The following STON1 variants were observed in gnomAD, a reference collection of about 807,000 sequenced individuals.
STON1 encodes the protein stonin 1.
In STON1, 79 loss-of-function variants were observed where a neutral mutation model predicts 60.9. The ratio of observed to expected loss-of-function variants is 1.30; its 90% confidence interval spans 1.08 to 1.56. STON1 has a LOEUF of 1.56. Ranked by LOEUF, STON1 falls within the 40% of genes most tolerant of loss-of-function variation. The pLI is 0.00. For missense variants in STON1, 1,166 were observed against 858.9 expected, an observed-to-expected ratio of 1.36 and a Z score of -4.47; for synonymous variants, 363 against 306.9, an observed-to-expected ratio of 1.18 and a Z score of -1.91.
intron 1 of STON1, among the ~76,000 whole-genome samples, chr2:48,576,181 CTTTCTTTTTTTTTTT>C (rs1379226428): frequency 6.3e-4 from 69 of 110,106 alleles, no homozygotes; most frequent in Non-Finnish European, 1.2e-3. Flanking sequence ...TGTTGTTTTC[CTTTCTTTTTTTTTTT>C]TTTTTTTTTT....
intron 1 of STON1, among the ~76,000 whole-genome samples, chr2:48,543,970 A>T (rs1671760986): frequency 6.6e-6 from 1 of 152,174 alleles, no homozygotes; most frequent in South Asian, 2.1e-4. Flanking sequence ...GGGGTAGGGA[A>T]TCACCAAAGG....
intron 2 of STON1, among the ~76,000 whole-genome samples, chr2:48,587,975 T>C (rs1285089159): frequency 6.6e-6 from 1 of 152,162 alleles, no homozygotes; most frequent in African/African-American, 2.4e-5. Context: ...GGGAGGGCAA[T>C]GCAGAGAGTG....
chr2:48,551,682 A>G (rs1355936450), intron 1 of STON1, among the ~76,000 whole-genome samples: 1 of 152,238 alleles, frequency 6.6e-6, no homozygotes, highest in Non-Finnish European at 1.5e-5. Context: ...TTTCCTTGGC[A>G]TGGCTCTTGC....
chr2:48,564,481 T>TCTTCTTCC (rs1298423504), intron 1 of STON1, among the ~76,000 whole-genome samples: 5 of 25,696 alleles, frequency 1.9e-4, no homozygotes, highest in Non-Finnish European at 4.0e-4. Flanking sequence ...TTCTTCTTCT[T>TCTTCTTCC]TCTTCTTCTT....
At chr2:48,553,765 G>C (rs1457328306) in intron 1 of STON1, among the ~76,000 whole-genome samples, 1 of 152,186 alleles carries the variant, frequency 6.6e-6, no homozygotes, top group Non-Finnish European at 1.5e-5. Flanking sequence ...TGGGATTACA[G>C]GCGTGAGATA....
At chr2:48,570,202 A>T (rs1049398566) in intron 1 of STON1, among the ~76,000 whole-genome samples, 1 of 152,080 alleles carries the variant, frequency 6.6e-6, no homozygotes, top group African/African-American at 2.4e-5. Context: ...GGGCATGGTG[A>T]TGCACATCTG....
chr2:48,564,467 CTTCTTCTTCTTCT>C (rs1558604484), intron 1 of STON1, among the ~76,000 whole-genome samples: 11 of 55,948 alleles, frequency 2.0e-4, no homozygotes, highest in Admixed American at 6.8e-4. Flanking sequence ...TCTTCTTCTT[CTTCTTCTTCTTCT>C]TTCTTCTTCT....
intron 1 of STON1, among the ~76,000 whole-genome samples, chr2:48,551,508 G>A (rs1572937454): frequency 6.6e-6 from 1 of 152,218 alleles, no homozygotes; most frequent in African/African-American, 2.4e-5. Flanking sequence ...CTAACCTTCA[G>A]ATGGTAAAGT....
chr2:48,566,791 A>G (rs1402535023), intron 1 of STON1, among the ~76,000 whole-genome samples: 1 of 152,202 alleles, frequency 6.6e-6, no homozygotes, highest in African/African-American at 2.4e-5. Context: ...TTCTTCAGGC[A>G]GCCTTGCGTT....
chr2:48,564,480 T>TTCCTCTTCTTCTTC (rs1558604783), intron 1 of STON1, among the ~76,000 whole-genome samples: 1 of 32,480 alleles, frequency 3.1e-5, no homozygotes, highest in Non-Finnish European at 6.4e-5. Context: ...CTTCTTCTTC[T>TTCCTCTTCTTCTTC]TTCTTCTTCT....
intron 3 of STON1, among the ~76,000 whole-genome samples, chr2:48,593,946 C>T (rs918203378): frequency 4.6e-5 from 7 of 152,168 alleles, no homozygotes; most frequent in African/African-American, 1.4e-4. Flanking sequence ...AGATAGCTGC[C>T]TTTCCTGAGG....
intron 1 of STON1, among the ~76,000 whole-genome samples, chr2:48,540,103 C>T (rs554224165): frequency 1.3e-4 from 20 of 152,270 alleles, no homozygotes; most frequent in African/African-American, 4.6e-4. Context: ...CATACATTGA[C>T]CTAACTTCCA....
intron 1 of STON1, chr2:48,531,490 G>C (rs1358725431): frequency 6.6e-6 from 1 of 152,418 alleles, no homozygotes; most frequent in Non-Finnish European, 1.5e-5. Context: ...GGTTGAATCA[G>C]TGTTTCCATG....
chr2:48,550,896 G>C (rs1395376304), intron 1 of STON1, among the ~76,000 whole-genome samples: 3 of 151,938 alleles, frequency 2.0e-5, no homozygotes, highest in Non-Finnish European at 1.5e-5. Context: ...AATTCAACTT[G>C]AGTCCTTTTT....
intron 1 of STON1, among the ~76,000 whole-genome samples, chr2:48,534,011 C>T (rs1186637194): frequency 2.6e-5 from 4 of 151,918 alleles, no homozygotes; most frequent in Non-Finnish European, 5.9e-5. Flanking sequence ...TCAGGTGATC[C>T]GCCAGCCTCA....
In STON1 at chr2:48,582,139, T is replaced by C. The variant is rs1213830527; in HGVS notation, c.1506T>C (p.Ile502=). 1 of 1,614,220 alleles carries C rather than the reference T, an allele frequency of 6.2e-7. No individual in the cohort carries two copies. Among genetic ancestry groups the C allele is most frequent in the East Asian group, 2.2e-5 (1 of 44,886 alleles). Residue 502 remains isoleucine (I), a synonymous_variant, in exon 2 of 4, where the codon ATT becomes ATC. Transcript: ENST00000404752. ...NVQEFEQSRI[I]KFVPLDACRF... ...AAGAATTTGAGCAATCAAGAATCAT[T>C]AAGTTTGTACCTCTGGATGCCTGCC...
chr2:48,541,030 C>G (rs1464664789), intron 1 of STON1, among the ~76,000 whole-genome samples: 1 of 152,178 alleles, frequency 6.6e-6, no homozygotes, highest in African/African-American at 2.4e-5. Flanking sequence ...TCCTAATTAA[C>G]TTAATTAAAT....
intron 1 of STON1, among the ~76,000 whole-genome samples, chr2:48,573,481 C>A (rs1035568230): frequency 1.3e-5 from 2 of 152,216 alleles, no homozygotes; most frequent in African/African-American, 4.8e-5. Flanking sequence ...CTAGTGTAAT[C>A]CCTGAATGTC....
At chr2:48,562,579 C>A (rs1024352927) in intron 1 of STON1, among the ~76,000 whole-genome samples, 1 of 152,190 alleles carries the variant, frequency 6.6e-6, no homozygotes, top group African/African-American at 2.4e-5. Flanking sequence ...AGATACGAAG[C>A]AACACTGCCT....
Sources: allele counts gnomAD v4.1 joint callset (sites outside exome capture counted in the v4.1 genomes callset), GRCh38; gene constraint gnomAD v4.1.1; transcripts MANE v1.5; gene names NCBI Gene and HGNC (gene_info 2026-07-23, HGNC 2026-07-21).